Variants in MROH9 observed in about 807,000 individuals in gnomAD.
The protein encoded by MROH9 is maestro heat like repeat family member 9, also known as maestro heat-like repeat-containing protein family member 9.
A neutral mutation model predicts 98.2 loss-of-function variants in MROH9; 92 were observed. The ratio of observed to expected loss-of-function variants is 0.94; its 90% CI spans 0.79 to 1.11. The LOEUF (loss-of-function observed/expected upper bound fraction) is 1.11, where lower values mean the gene tolerates loss of function less well. Among genes scored for constraint, MROH9 ranks in the 50% most tolerant of loss-of-function variants. MROH9 has a pLI of 0.00. For missense variants in MROH9, 1,057 were observed against 1,014.8 expected (o/e 1.04, Z -0.57); for synonymous variants, 397 against 368.9 (o/e 1.08, Z -0.87).
intron 1 of MROH9, 110 bp downstream of exon 1, chr1:170,935,697 T>A (rs1648846599): frequency 6.6e-6 from 1 of 151,980 alleles, no homozygotes; most frequent in Admixed American, 6.6e-5. Flanking sequence ...CATGAATACA[T>A]TAGAAAATTA....
chr1:170,952,995 T>C (rs1329854497), intron 3 of MROH9, among the ~76,000 whole-genome samples: 1 of 152,060 alleles, frequency 6.6e-6, no homozygotes, highest in Non-Finnish European at 1.5e-5. Context: ...AAAAATGTAT[T>C]AGCTACTTTT....
At chr1:171,048,160 C>A (rs1653525421) in intron 20 of MROH9, among the ~76,000 whole-genome samples, 1 of 152,112 alleles carries the variant, frequency 6.6e-6, no homozygotes, top group Non-Finnish European at 1.5e-5. Context: ...ACTCTCTGGC[C>A]TATGTTCTCT....
intron 3 of MROH9, among the ~76,000 whole-genome samples, chr1:170,951,717 G>A (rs1649559130): frequency 6.6e-6 from 1 of 152,080 alleles, no homozygotes; most frequent in Non-Finnish European, 1.5e-5. Flanking sequence ...ATGAGAGGTT[G>A]ATCAGTGCTT....
intron 3 of MROH9, among the ~76,000 whole-genome samples, chr1:170,956,602 T>G (rs1243715894): frequency 2.0e-5 from 3 of 149,420 alleles, no homozygotes; most frequent in Non-Finnish European, 4.4e-5. Flanking sequence ...TTTGTTTTTT[T>G]TTTTTTTTGC....
At chr1:171,042,110 A>G (rs1571162301) in intron 20 of MROH9, among the ~76,000 whole-genome samples, 2 of 151,970 alleles carry the variant, frequency 1.3e-5, no homozygotes, top group East Asian at 3.9e-4. Context: ...GTACACATTA[A>G]CCATCCCCAC....
At chr1:171,008,222 T>C (rs1029829927) in intron 15 of MROH9, among the ~76,000 whole-genome samples, 4 of 152,176 alleles carry the variant, frequency 2.6e-5, no homozygotes, top group African/African-American at 9.7e-5. Flanking sequence ...TTATTGACTG[T>C]ATTTTGACAG....
intron 16 of MROH9, chr1:171,014,978 A>T (rs200006399): frequency 2.5e-5 from 12 of 471,672 alleles, no homozygotes; most frequent in Non-Finnish European, 5.3e-5. Flanking sequence ...ACTGTTTCCC[A>T]TTGACTCACA....
chr1:171,059,978 T>TA (rs1306363347), intron 20 of MROH9, among the ~76,000 whole-genome samples: 1 of 151,750 alleles, frequency 6.6e-6, no homozygotes, highest in Non-Finnish European at 1.5e-5. Flanking sequence ...TCACATATTT[T>TA]AAAAAATGAT....
At position 171,020,687 on chromosome 1, in the gene MROH9, C is replaced by T. The variant is rs193285187; in HGVS notation, c.1909-3708C>T. ...GAATGAGCAAAAGCTGGAAGCATTCCCTTTGAAAACCAGCACAAGACAAGG... is the reference window on the plus strand; with the variant it reads ...GAATGAGCAAAAGCTGGAAGCATTCTCTTTGAAAACCAGCACAAGACAAGG... On this transcript the variant is annotated intron_variant, in intron 17 of 21. Transcript: ENST00000367759. Among the ~76,000 whole-genome samples, 58 of 152,214 alleles carry T rather than the reference C, an allele frequency of 3.8e-4. No individual in the cohort carries two copies. The East Asian group carries it at 0.011, about 29-fold the overall frequency.
In MROH9 at chr1:171,064,244, C is replaced by CA. The variant is rs1191848542; in HGVS notation, c.2496dup (p.Leu833IlefsTer8). Reference sequence around the variant, plus strand: ...AAAAATTGCTTAAATTATTCTACATCAAAAAATTGAAGCCTCTTTACAATT... The same window carrying CA: ...AAAAATTGCTTAAATTATTCTACATCAAAAAAATTGAAGCCTCTTTACAATT... On this transcript the variant is annotated frameshift_variant, in exon 22 of 22. Coordinates refer to ENST00000367759, the MANE Select transcript of MROH9 (RefSeq NM_001163629.2). LOFTEE classifies it low-confidence loss of function (END_TRUNC). 6.4e-7 allele frequency: 1 copy of CA among 1,551,472 alleles called. No homozygotes were observed. Among genetic ancestry groups the CA allele is most frequent in the South Asian group, 1.2e-5 (1 of 84,042 alleles).
At chr1:171,035,227 T>C (rs1571156673) in intron 20 of MROH9, among the ~76,000 whole-genome samples, 2 of 151,534 alleles carry the variant, frequency 1.3e-5, no homozygotes, top group East Asian at 3.9e-4. Flanking sequence ...TTAATTATAA[T>C]AACTTAGAAA....
rs1475381035 is a variant in MROH9, at chr1:171,064,377, T to TG, written c.*40dup. ...GATGACATTCATCATTCATAAACAA[T>TG]GGGAAGTCCAACAATGTCTTGGAGC... On this transcript the variant is annotated 3_prime_UTR_variant, in exon 22 of 22. Transcript: ENST00000367759. The TG allele has an allele frequency of 2.7e-6, 4 of 1,490,320 alleles. No homozygotes were observed. In the Admixed American group the frequency reaches 1.1e-4, roughly 40 times the overall value. 92.3% of individuals were successfully genotyped at this position (1,490,320 alleles called of 1,614,324 possible).
At chr1:170,939,664 C>T (rs1032074241) in intron 1 of MROH9, among the ~76,000 whole-genome samples, 8 of 152,280 alleles carry the variant, frequency 5.3e-5, no homozygotes, top group African/African-American at 1.9e-4. Context: ...ATATCACTTC[C>T]ATTTGATGAT....
intron 3 of MROH9, among the ~76,000 whole-genome samples, chr1:170,954,627 T>C (rs1649691150): frequency 6.6e-6 from 1 of 152,090 alleles, no homozygotes; most frequent in Non-Finnish European, 1.5e-5. Flanking sequence ...GCCAAGGGTT[T>C]ACATGCATCC....
chr1:171,043,781 T>C (rs929225662), intron 20 of MROH9, among the ~76,000 whole-genome samples: 3 of 152,136 alleles, frequency 2.0e-5, no homozygotes, highest in Non-Finnish European at 4.4e-5. Context: ...CATTGTTCAC[T>C]TGGCATATAG....
At chr1:170,994,947 C>A (rs558443372) in intron 12 of MROH9, among the ~76,000 whole-genome samples, 2 of 136,666 alleles carry the variant, frequency 1.5e-5, no homozygotes, top group Admixed American at 7.5e-5. Flanking sequence ...GGTGACCTCC[C>A]GCCCATATTG....
chr1:170,983,314 A>T, intron 8 of MROH9, 108 bp from the exon 9 acceptor site: 1 of 696,734 alleles, frequency 1.4e-6, no homozygotes, highest in Non-Finnish European at 2.4e-6. Flanking sequence ...TATTCGGAAA[A>T]CTTCAGATCT....
intron 20 of MROH9, among the ~76,000 whole-genome samples, chr1:171,033,387 T>C (rs929880645): frequency 1.3e-5 from 2 of 152,252 alleles, no homozygotes; most frequent in African/African-American, 4.8e-5. Context: ...TAGGCCCCAG[T>C]GGCGTGGGTT....
chr1:171,037,784 CA>C (rs1287151573), intron 20 of MROH9, among the ~76,000 whole-genome samples: 3 of 151,784 alleles, frequency 2.0e-5, no homozygotes, highest in Non-Finnish European at 4.4e-5. Flanking sequence ...ACCCCCTAAA[CA>C]TGCAATATTT....
Sources: allele counts gnomAD v4.1 joint callset (sites outside exome capture counted in the v4.1 genomes callset), GRCh38; gene constraint gnomAD v4.1.1; transcripts MANE v1.5; gene names NCBI Gene and HGNC (gene_info 2026-07-23, HGNC 2026-07-21).